Variants in AFTPH observed in about 807,000 individuals in gnomAD.
AFTPH encodes aftiphilin protein.
Under a neutral mutation model 72.5 loss-of-function variants are expected in AFTPH, and 7 were observed. The observed-to-expected ratio is 0.10, with a 90% CI of 0.05 to 0.18. The LOEUF is 0.18. Ranked by LOEUF, AFTPH falls within the 10% of genes least tolerant of loss-of-function variation. AFTPH has a pLI of 1.00. For missense variants in AFTPH, 979 were observed against 1,060.5 expected (o/e 0.92, Z 1.07); for synonymous variants, 337 against 370.1 (o/e 0.91, Z 1.03).
At chr2:64,584,717 C>T (rs1296771424) in intron 7 of AFTPH, among the ~76,000 whole-genome samples, 1 of 151,804 alleles carries the variant, frequency 6.6e-6, no homozygotes, top group Admixed American at 6.6e-5. Flanking sequence ...CTGCCCCAGC[C>T]TCCTGAGTAG....
At chr2:64,543,947 T>G (rs935264463) in intron 1 of AFTPH, among the ~76,000 whole-genome samples, 3 of 152,162 alleles carry the variant, frequency 2.0e-5, no homozygotes, top group South Asian at 2.1e-4. Flanking sequence ...CAGAATCACC[T>G]TCACCTGTTG....
At chr2:64,549,527 G>T (rs983557714) in intron 1 of AFTPH, among the ~76,000 whole-genome samples, 1 of 151,202 alleles carries the variant, frequency 6.6e-6, no homozygotes, top group African/African-American at 2.4e-5. Flanking sequence ...CACCGTGTTG[G>T]CCAGGCTGGT....
At chr2:64,550,731 A>ACACAAC (rs1491549278) in intron 1 of AFTPH, among the ~76,000 whole-genome samples, 1 of 146,802 alleles carries the variant, frequency 6.8e-6, no homozygotes, top group Non-Finnish European at 1.5e-5. Context: ...ACACACACAC[A>ACACAAC]ACTGGTGAAA....
exon 6 of AFTPH, chr2:64,572,985 T>C: frequency 6.2e-7 from 1 of 1,614,098 alleles, no homozygotes; most frequent in Non-Finnish European, 8.5e-7. Context: ...GAAACCACTT[T>C]CTGCTGCAGA....
intron 1 of AFTPH, among the ~76,000 whole-genome samples, chr2:64,533,966 A>C (rs934795769): frequency 6.6e-5 from 10 of 152,084 alleles, no homozygotes; most frequent in African/African-American, 2.4e-4. Context: ...TCAAAGCAAA[A>C]CTCCTAGGAG....
At chr2:64,544,109 G>A (rs1004274354) in intron 1 of AFTPH, among the ~76,000 whole-genome samples, 11 of 152,080 alleles carry the variant, frequency 7.2e-5, no homozygotes, top group African/African-American at 2.7e-4. Flanking sequence ...TTCCTGGTTC[G>A]TAGCCCTGAA....
chr2:64,530,077 A>T (rs968208037), intron 1 of AFTPH, among the ~76,000 whole-genome samples: 1 of 152,006 alleles, frequency 6.6e-6, no homozygotes, highest in Non-Finnish European at 1.5e-5. Context: ...AATCACTTGA[A>T]CCTGAGAGGT....
chr2:64,532,211 C>T (rs936997821), intron 1 of AFTPH, among the ~76,000 whole-genome samples: 1 of 151,894 alleles, frequency 6.6e-6, no homozygotes, highest in African/African-American at 2.4e-5. Flanking sequence ...CCCTGTGGCA[C>T]AAGGGAATGT....
At chr2:64,576,083 ACACACACACACACAC>A (rs1283152306) in intron 6 of AFTPH, among the ~76,000 whole-genome samples, 20 of 89,952 alleles carry the variant, frequency 2.2e-4, no homozygotes, top group African/African-American at 4.4e-4. Flanking sequence ...CTACACACAC[ACACACACACACACAC>A]ACACACACAC....
chr2:64,559,865 T>C (rs1671609976), intron 2 of AFTPH, among the ~76,000 whole-genome samples: 1 of 152,098 alleles, frequency 6.6e-6, no homozygotes, highest in Non-Finnish European at 1.5e-5. Context: ...CGACCACACC[T>C]GGCTAATTTT....
At chr2:64,549,166 A>G (rs1275317255) in intron 1 of AFTPH, among the ~76,000 whole-genome samples, 1 of 152,186 alleles carries the variant, frequency 6.6e-6, no homozygotes, top group Non-Finnish European at 1.5e-5. Context: ...TTATTCTGAG[A>G]GAAGTCTAGC....
At chr2:64,570,002 A>G (rs1672319812) in intron 5 of AFTPH, among the ~76,000 whole-genome samples, 1 of 152,208 alleles carries the variant, frequency 6.6e-6, no homozygotes, top group East Asian at 1.9e-4. Flanking sequence ...AAGTATCAGA[A>G]GGCCTAAAGA....
chr2:64,558,946 A>C (rs1671551496), intron 2 of AFTPH, among the ~76,000 whole-genome samples: 1 of 152,190 alleles, frequency 6.6e-6, no homozygotes, highest in Non-Finnish European at 1.5e-5. Context: ...TTTAGGATCT[A>C]TAAGGAAACT....
chr2:64,576,159 G>A (rs923151946), intron 6 of AFTPH, among the ~76,000 whole-genome samples: 1 of 142,806 alleles, frequency 7.0e-6, no homozygotes, highest in South Asian at 2.2e-4. Context: ...GTGTGTGTAT[G>A]TATATATATA....
chr2:64,555,708 G>T (rs1412752280), intron 2 of AFTPH, among the ~76,000 whole-genome samples: 1 of 152,150 alleles, frequency 6.6e-6, no homozygotes, highest in East Asian at 1.9e-4. Context: ...GCTGGAGGAG[G>T]CCAGAAGAAG....
chr2:64,572,297 G>A (rs1672484157), intron 5 of AFTPH, among the ~76,000 whole-genome samples: 1 of 151,618 alleles, frequency 6.6e-6, no homozygotes, highest in Admixed American at 6.6e-5. Context: ...TCTCTAAAAA[G>A]GCTGTATATA....
At chr2:64,565,426 G>A (rs1259866356) in intron 2 of AFTPH, among the ~76,000 whole-genome samples, 4 of 137,592 alleles carry the variant, frequency 2.9e-5, no homozygotes, top group African/African-American at 8.2e-5. Flanking sequence ...AGTGAGCCGA[G>A]ATTGCACCAC....
At chr2:64,568,881 G>T (rs1445213675) in intron 3 of AFTPH, among the ~76,000 whole-genome samples, 4 of 152,170 alleles carry the variant, frequency 2.6e-5, no homozygotes, top group Non-Finnish European at 5.9e-5. Context: ...CAAATTGCTG[G>T]GATTACAGGC....
chr2:64,526,650 T>G (rs1048687858), intron 1 of AFTPH, among the ~76,000 whole-genome samples: 2 of 152,230 alleles, frequency 1.3e-5, no homozygotes, highest in Admixed American at 6.5e-5. Context: ...AAATCTGGCA[T>G]TGTATGGATT....
Sources: allele counts gnomAD v4.1 joint callset (sites outside exome capture counted in the v4.1 genomes callset), GRCh38; gene constraint gnomAD v4.1.1; transcripts MANE v1.5; gene names NCBI Gene and HGNC (gene_info 2026-07-23, HGNC 2026-07-21).